KIAA2012: variants seen among roughly 807,000 people sequenced by gnomAD.
KIAA2012 encodes KIAA2012.
KIAA2012 carries 125 observed loss-of-function variants against 150.6 expected under a neutral mutation model. The observed-to-expected ratio is 0.83, with a 90% confidence interval of 0.72 to 0.96. The LOEUF is 0.96. KIAA2012 is among the 40% of genes least tolerant of loss of function. The pLI is 0.00. For missense variants in KIAA2012, 1,219 were observed against 1,354.9 expected (o/e 0.90, Z 1.57); for synonymous variants, 462 against 504.7 (o/e 0.92, Z 1.13).
Position 202,190,437 on chromosome 2 carries a change from A to G in KIAA2012, c.2755A>G (p.Thr919Ala). 1 of 1,548,800 alleles carries G rather than the reference A, an allele frequency of 6.5e-7. No individual in the cohort carries two copies. Among genetic ancestry groups the G allele is most frequent in the South Asian group, 1.2e-5 (1 of 83,816 alleles). Residue 919 changes from threonine (T) to alanine (A), a missense_variant, in exon 19 of 24, where the codon ACT becomes GCT. Thr to Ala is a moderately conservative substitution (Grantham distance 58, BLOSUM62 0). Coordinates refer to ENST00000498697, the MANE Select transcript of KIAA2012 (RefSeq NM_001277372.4). ...DGRSSPSQIA[T>A]VTGNMESKEE... is the part of the protein sequence containing the mutation. The stretch of plus-strand genomic sequence containing the variant: ...AAGATCATCACCCTCTCAGATTGCA[A>G]CTGTCACTGGCAACATGGAATCTAA...
chr2:202,165,326 C>T lies in KIAA2012; in HGVS notation c.2089C>T (p.Pro697Ser). 6.4e-7 allele frequency: 1 copy of T among 1,550,388 alleles called. No homozygotes were observed. Among genetic ancestry groups the T allele is most frequent in the Non-Finnish European group, 8.7e-7 (1 of 1,146,850 alleles). Residue 697 changes from proline to serine, a missense_variant, in exon 15 of 24, where the codon CCC becomes TCC. Pro to Ser is a moderately conservative substitution (Grantham distance 74). Transcript: ENST00000498697. ...ALDYQEEAGR[P>S]LRETHHNDQD... ...GGACTATCAGGAAGAAGCAGGGAGA[C>T]CCCTCAGAGAAACTCACCACAACGA...
intron 11 of KIAA2012, among the ~76,000 whole-genome samples, chr2:202,121,311 C>T (rs1690648120): frequency 6.6e-6 from 1 of 152,236 alleles, no homozygotes; most frequent in Non-Finnish European, 1.5e-5. Flanking sequence ...CATCAGCTTA[C>T]CTTGTGCCTT....
chr2:202,147,626 G>A (rs1691328386), intron 13 of KIAA2012, among the ~76,000 whole-genome samples: 1 of 152,172 alleles, frequency 6.6e-6, no homozygotes, highest in Non-Finnish European at 1.5e-5. Flanking sequence ...TTTTATGGGC[G>A]AGTCTGGGAA....
intron 13 of KIAA2012, among the ~76,000 whole-genome samples, chr2:202,152,158 C>T (rs1384381760): frequency 6.6e-6 from 1 of 151,948 alleles, no homozygotes; most frequent in Non-Finnish European, 1.5e-5. Flanking sequence ...TTTTTCCTCC[C>T]ATATCCCAAA....
At chr2:202,191,258 CAG>C (rs1177379925) in intron 19 of KIAA2012, among the ~76,000 whole-genome samples, 1 of 152,080 alleles carries the variant, frequency 6.6e-6, no homozygotes, top group Non-Finnish European at 1.5e-5. Context: ...ACCTGGGCGA[CAG>C]AGAGAGACTC....
At chr2:202,194,665 A>C (rs1239728016) in intron 21 of KIAA2012, among the ~76,000 whole-genome samples, 1 of 80,548 alleles carries the variant, frequency 1.2e-5, no homozygotes, top group Non-Finnish European at 2.7e-5. Flanking sequence ...GCAGATGGAA[A>C]CAGCCACAAA....
chr2:202,094,834 T>C (rs1689823817), intron 4 of KIAA2012, among the ~76,000 whole-genome samples: 1 of 152,170 alleles, frequency 6.6e-6, no homozygotes, highest in African/African-American at 2.4e-5. Context: ...GCTTTCATTT[T>C]ATGGCTGGAT....
chr2:202,191,742 A>G (rs1411562916), intron 19 of KIAA2012, among the ~76,000 whole-genome samples: 1 of 152,074 alleles, frequency 6.6e-6, no homozygotes, highest in East Asian at 1.9e-4. Context: ...CAAAAAAATT[A>G]AAAAGTAGCT....
In KIAA2012 at chr2:202,075,061, C is replaced by G; in HGVS notation, c.255C>G (p.Pro85=). The change falls in exon 2 of 24, where the codon CCC becomes CCG. Residue 85 remains proline, a synonymous_variant. Transcript: ENST00000498697. Reference sequence around the variant, plus strand: ...GTTTTGCCATTTCGGCATGGACACCCAAAGAGAGGAGAAAAGGCCCCTACT... The same window carrying G: ...GTTTTGCCATTTCGGCATGGACACCGAAAGAGAGGAGAAAAGGCCCCTACT... ...SEGFAISAWT[P]KERRKGPYCP... The G allele has an allele frequency of 6.4e-7, 1 of 1,550,554 alleles. No individual in the cohort carries two copies. Among genetic ancestry groups the G allele is most frequent in the African/African-American group, 1.4e-5 (1 of 73,158 alleles).
intron 13 of KIAA2012, among the ~76,000 whole-genome samples, chr2:202,149,844 T>C (rs1691386203): frequency 6.6e-6 from 1 of 152,208 alleles, no homozygotes; most frequent in South Asian, 2.1e-4. Context: ...ATTTAAAATA[T>C]AACAGTTGAA....
chr2:202,138,585 C>G (rs1442992323), intron 13 of KIAA2012, 77 bp downstream of exon 13: 2 of 1,070,800 alleles, frequency 1.9e-6, no homozygotes, highest in Non-Finnish European at 2.8e-6. Context: ...GCTGTGTGCC[C>G]CTCAGTGAGA....
At chr2:202,138,698 T>G (rs976543856) in intron 13 of KIAA2012, among the ~76,000 whole-genome samples, 190 bp downstream of exon 13, 2 of 152,232 alleles carry the variant, frequency 1.3e-5, no homozygotes, top group African/African-American at 4.8e-5. Context: ...ATGTCTTAAC[T>G]TGGACTGTAT....
intron 2 of KIAA2012, among the ~76,000 whole-genome samples, chr2:202,088,752 T>C (rs1015756420): frequency 1.3e-5 from 2 of 152,216 alleles, no homozygotes; most frequent in South Asian, 2.1e-4. Context: ...GGGGCTGAGA[T>C]TGGAACTATT....
intron 19 of KIAA2012, among the ~76,000 whole-genome samples, chr2:202,193,056 A>G (rs976051994): frequency 6.6e-6 from 1 of 152,224 alleles, no homozygotes; most frequent in African/African-American, 2.4e-5. Context: ...GAGGAAGACA[A>G]TATCGGGAAG....
chr2:202,194,531 T>A (rs189021984), intron 21 of KIAA2012, among the ~76,000 whole-genome samples, 169 bp downstream of exon 21: 279 of 52,066 alleles, frequency 5.4e-3, no homozygotes, highest in Non-Finnish European at 8.9e-3. Flanking sequence ...TTTGTTAATA[T>A]AGATTTAAAT....
intron 16 of KIAA2012, 75 bp downstream of exon 16, chr2:202,184,918 G>A: frequency 7.8e-7 from 1 of 1,285,264 alleles, no homozygotes; most frequent in African/African-American, 1.5e-5. Context: ...GTTTAGTTTG[G>A]TTTTTTTTCA....
rs1327452726 is a variant in KIAA2012 at position 202,105,831 on chromosome 2, G to A, written c.1395G>A (p.Lys465=). The part of the protein sequence containing the change: ...ESTPVWRPPL[K]HASLETPWEL... The stretch of plus-strand genomic sequence containing the variant: ...CACCTGTGTGGAGACCTCCCCTGAA[G>A]CATGCGTCCTTAGAAACACCATGGG... Residue 465 remains lysine, a synonymous_variant, in exon 9 of 24, where the codon AAG becomes AAA. Coordinates refer to ENST00000498697, the MANE Select transcript of KIAA2012 (RefSeq NM_001277372.4). 6.4e-7 allele frequency: 1 copy of A among 1,550,634 alleles called. No individual in the cohort carries two copies. Among genetic ancestry groups the A allele is most frequent in the African/African-American group, 1.4e-5 (1 of 73,056 alleles).
rs1487511104 is a variant in KIAA2012, at chr2:202,125,092, G to A, written c.1763-122G>A. On this transcript the variant is annotated intron_variant, in intron 11 of 23. Coordinates refer to ENST00000498697, the MANE Select transcript of KIAA2012 (RefSeq NM_001277372.4). ...CTCAAAAATTTAAAAAAAAGAAACA[G>A]TTCATTGCAAAGCTTAAACACTGAG... 6.5e-6 allele frequency: 5 copies of A among 774,820 alleles called. No homozygotes were observed. The African/African-American group carries it at 8.8e-5, about 14-fold the overall frequency. 48.0% of individuals were successfully genotyped at this position (774,820 alleles called of 1,614,324 possible).
rs1035314900 is a variant in KIAA2012, at chr2:202,183,191, G to A, written c.2120-1562G>A. Among the ~76,000 whole-genome samples, 92 of 152,010 alleles carry A rather than the reference G, an allele frequency of 6.1e-4. 1 individual carries two copies. The highest frequency in any genetic ancestry group is 8.5e-4 in the Non-Finnish European group (58 of 67,994). ...TCCCAGCACTTTTGGAAGCTGAGGC[G>A]GGCGGATCGCTTGAGCCCAGAAGTT... On this transcript the variant is annotated intron_variant, in intron 15 of 23. Transcript: ENST00000498697.
Sources: gnomAD v4.1 joint callset for allele counts (sites outside exome capture counted in the v4.1 genomes callset) on GRCh38, gnomAD v4.1.1 for gene constraint, MANE v1.5 for transcripts, NCBI Gene and HGNC (gene_info 2026-07-23, HGNC 2026-07-21) for gene names.